RBFOX1: variants seen among roughly 807,000 people sequenced by gnomAD.
RBFOX1 encodes the protein RNA binding fox-1 homolog 1.
A neutral mutation model predicts 57.7 loss-of-function variants in RBFOX1; 8 were observed. That is an observed-to-expected ratio of 0.14 (90% CI 0.08 to 0.25). The LOEUF (loss-of-function observed/expected upper bound fraction) is 0.25, where lower values mean the gene tolerates loss of function less well. Among genes scored for constraint, RBFOX1 ranks in the 10% least tolerant of loss-of-function variants. RBFOX1 has a pLI of 1.00. For synonymous variants in RBFOX1, 326 were observed against 222.4 expected (o/e 1.47, Z -4.15); for missense variants, 611 against 548.5 (o/e 1.11, Z -1.14).
chr16:6,406,140 T>C (rs1465554380), intron 2 of RBFOX1, among the ~76,000 whole-genome samples: 1 of 152,190 alleles, frequency 6.6e-6, no homozygotes, highest in Non-Finnish European at 1.5e-5. Flanking sequence ...AGACCATGTG[T>C]TTTACAAGAT....
chr16:6,686,869 C>G (rs775854053), intron 3 of RBFOX1, among the ~76,000 whole-genome samples: 1 of 152,136 alleles, frequency 6.6e-6, no homozygotes, highest in Non-Finnish European at 1.5e-5. Flanking sequence ...ATTTTGAGTG[C>G]TTAAGACAAT....
chr16:6,713,535 A>T (rs902185887), intron 3 of RBFOX1, among the ~76,000 whole-genome samples: 3 of 151,612 alleles, frequency 2.0e-5, no homozygotes, highest in South Asian at 2.1e-4. Flanking sequence ...TGCAAGTAAA[A>T]CCCCCTCCCC....
At chr16:7,360,631 C>T (rs917443255) in intron 4 of RBFOX1, among the ~76,000 whole-genome samples, 3 of 152,186 alleles carry the variant, frequency 2.0e-5, no homozygotes, top group African/African-American at 7.2e-5. Context: ...GGAATTATCC[C>T]TCCCTATGAT....
intron 1 of RBFOX1, among the ~76,000 whole-genome samples, chr16:5,257,538 G>A (rs9746451): frequency 0.17 from 25,855 of 152,198 alleles, 2,398 homozygotes; most frequent in African/African-American, 0.23. Context: ...CCCAGTAGGG[G>A]CCTGCGTTTG....
At chr16:7,548,789 AGCCTGGCT>A (rs2085402868) in intron 5 of RBFOX1, among the ~76,000 whole-genome samples, 2 of 152,160 alleles carry the variant, frequency 1.3e-5, no homozygotes, top group Non-Finnish European at 2.9e-5. Flanking sequence ...TGGAGTTGTC[AGCCTGGCT>A]ACTGACTGGT....
chr16:6,928,456 C>T (rs1454451326), intron 3 of RBFOX1, among the ~76,000 whole-genome samples: 4 of 152,084 alleles, frequency 2.6e-5, no homozygotes, highest in Non-Finnish European at 5.9e-5. Context: ...TCAGGACATG[C>T]TTGAGGAAAG....
At chr16:7,199,327 GT>G (rs35649556) in intron 4 of RBFOX1, among the ~76,000 whole-genome samples, 11 of 151,620 alleles carry the variant, frequency 7.3e-5, no homozygotes, top group Non-Finnish European at 1.2e-4. Flanking sequence ...TGTTTAAAGG[GT>G]TTTTTTTCTG....
At chr16:5,271,741 C>T (rs760392722) in intron 1 of RBFOX1, among the ~76,000 whole-genome samples, 16 of 152,174 alleles carry the variant, frequency 1.1e-4, no homozygotes, top group South Asian at 2.1e-4. Flanking sequence ...ACCAGTGTCT[C>T]CTATCCCCTA....
chr16:5,776,579 C>A (rs1243507565), intron 3 of RBFOX1, among the ~76,000 whole-genome samples: 1 of 152,206 alleles, frequency 6.6e-6, no homozygotes, highest in African/African-American at 2.4e-5. Flanking sequence ...ACATTTTAGG[C>A]AGTCTTTTAT....
chr16:7,131,563 G>A (rs900676529), intron 4 of RBFOX1, among the ~76,000 whole-genome samples: 69 of 151,726 alleles, frequency 4.5e-4, no homozygotes, highest in African/African-American at 1.6e-3. Flanking sequence ...TGGAACTGAG[G>A]TTTGAACCAT....
At chr16:7,671,389 G>A (rs995671473) in intron 13 of RBFOX1, among the ~76,000 whole-genome samples, 2 of 152,186 alleles carry the variant, frequency 1.3e-5, no homozygotes, top group African/African-American at 4.8e-5. Context: ...AAAAATGTTT[G>A]TCGATGCCCA....
chr16:6,640,737 A>T (rs1163593580), intron 2 of RBFOX1, among the ~76,000 whole-genome samples: 1 of 152,148 alleles, frequency 6.6e-6, no homozygotes, highest in Non-Finnish European at 1.5e-5. Context: ...GGAATAAAAA[A>T]ACTCCTTCTG....
chr16:6,162,483 C>G (rs1000138361), intron 1 of RBFOX1, among the ~76,000 whole-genome samples: 4 of 152,062 alleles, frequency 2.6e-5, no homozygotes, highest in African/African-American at 9.7e-5. Flanking sequence ...GGTGGTGCAT[C>G]TATATAAAAT....
At chr16:6,451,912 C>T (rs2094635391) in intron 2 of RBFOX1, among the ~76,000 whole-genome samples, 2 of 151,492 alleles carry the variant, frequency 1.3e-5, no homozygotes, top group African/African-American at 2.4e-5. Context: ...ATGACTCCAT[C>T]CATGGCCCCT....
chr16:6,806,104 G>C (rs1269731613), intron 3 of RBFOX1, among the ~76,000 whole-genome samples: 1 of 152,134 alleles, frequency 6.6e-6, no homozygotes, highest in Non-Finnish European at 1.5e-5. Context: ...ATTCATCCAA[G>C]AACCAGTTTG....
intron 2 of RBFOX1, among the ~76,000 whole-genome samples, chr16:6,544,417 G>A (rs944353944): frequency 4.6e-5 from 7 of 152,144 alleles, no homozygotes; most frequent in African/African-American, 1.7e-4. Context: ...ATTAGTTCTT[G>A]GCTTCACTGG....
At chr16:7,190,737 T>C (rs2085168024) in intron 4 of RBFOX1, among the ~76,000 whole-genome samples, 1 of 152,180 alleles carries the variant, frequency 6.6e-6, no homozygotes, top group Non-Finnish European at 1.5e-5. Flanking sequence ...CCTTGCATGG[T>C]TCTAGGTTTG....
At chr16:7,058,891 G>A (rs1005200975) in intron 4 of RBFOX1, among the ~76,000 whole-genome samples, 1 of 152,062 alleles carries the variant, frequency 6.6e-6, no homozygotes, top group Non-Finnish European at 1.5e-5. Context: ...GTTACATATT[G>A]CCCGCAGTTA....
At chr16:7,172,629 C>A (rs1381962015) in intron 4 of RBFOX1, among the ~76,000 whole-genome samples, 1 of 152,156 alleles carries the variant, frequency 6.6e-6, no homozygotes, top group African/African-American at 2.4e-5. Flanking sequence ...CTCTTACTTA[C>A]TGGGAACACA....
Sources: allele counts gnomAD v4.1 joint callset (sites outside exome capture counted in the v4.1 genomes callset), GRCh38; gene constraint gnomAD v4.1.1; transcripts MANE v1.5; gene names NCBI Gene and HGNC (gene_info 2026-07-23, HGNC 2026-07-21).